Variants in ARK2N observed in about 807,000 individuals in gnomAD.
ARK2N encodes the protein arkadia (RNF111) N-terminal like PKA signaling regulator 2N, also known as protein ARK2N.
chr18:46,181,084 AC>A, the ARK2N span, among the ~76,000 whole-genome samples: 1 of 151,812 alleles, frequency 6.6e-6, no homozygotes, highest in Non-Finnish European at 1.5e-5. Flanking sequence ...ACATGATGAA[AC>A]CGTGTCTCTA....
chr18:46,263,076 C>G, the ARK2N span: 30 of 1,613,936 alleles, frequency 1.9e-5, no homozygotes, highest in Non-Finnish European at 2.5e-5. Context: ...AAGTTGTTGA[C>G]CTTACCTTGG....
chr18:46,243,486 G>T, the ARK2N span, among the ~76,000 whole-genome samples: 1 of 152,024 alleles, frequency 6.6e-6, no homozygotes, highest in East Asian at 1.9e-4. Flanking sequence ...AGAGTAGGTT[G>T]CCTTTTTCCA....
At chr18:46,201,364 G>A in the ARK2N span, among the ~76,000 whole-genome samples, 1 of 152,144 alleles carries the variant, frequency 6.6e-6, no homozygotes, top group African/African-American at 2.4e-5. Context: ...GATTCCTTGC[G>A]GGTTTGAATA....
chr18:46,243,576 C>T, the ARK2N span, among the ~76,000 whole-genome samples: 1 of 152,158 alleles, frequency 6.6e-6, no homozygotes, highest in African/African-American at 2.4e-5. Context: ...GAACCACATG[C>T]AGGGATTAAA....
chr18:46,224,583 GAGCCACCC>G, the ARK2N span, among the ~76,000 whole-genome samples: 5 of 152,098 alleles, frequency 3.3e-5, no homozygotes, highest in African/African-American at 1.2e-4. Flanking sequence ...AGAAGACTTG[GAGCCACCC>G]TAGGTTTTGG....
chr18:46,188,096 A>G, the ARK2N span, among the ~76,000 whole-genome samples: 5 of 152,292 alleles, frequency 3.3e-5, no homozygotes, highest in East Asian at 9.6e-4. Context: ...AACCTATTTG[A>G]AGGGCACATA....
the ARK2N span, among the ~76,000 whole-genome samples, chr18:46,203,630 C>T: frequency 6.6e-6 from 1 of 152,092 alleles, no homozygotes; most frequent in Non-Finnish European, 1.5e-5. Flanking sequence ...GACAAAGTCT[C>T]ACTCTTGTCC....
chr18:46,265,933 C>A, the ARK2N span: 1 of 152,618 alleles, frequency 6.6e-6, no homozygotes, highest in South Asian at 2.1e-4. Flanking sequence ...TAAGTTTCCA[C>A]CCCCTCCAAT....
the ARK2N span, chr18:46,262,915 C>T: frequency 1.2e-6 from 2 of 1,610,808 alleles, no homozygotes; most frequent in East Asian, 4.5e-5. Context: ...TTTTGTTCTT[C>T]ATCTCAATTG....
chr18:46,238,885 A>G, the ARK2N span, among the ~76,000 whole-genome samples: 1 of 152,164 alleles, frequency 6.6e-6, no homozygotes, highest in African/African-American at 2.4e-5. Flanking sequence ...CATAGTCAAG[A>G]GTTTCATAAA....
chr18:46,243,465 G>C, the ARK2N span, among the ~76,000 whole-genome samples: 1 of 151,924 alleles, frequency 6.6e-6, no homozygotes, highest in African/African-American at 2.4e-5. Context: ...ACATAGGTAC[G>C]CACTAAAGAT....
chr18:46,199,167 T>G, the ARK2N span, among the ~76,000 whole-genome samples: 1 of 152,282 alleles, frequency 6.6e-6, no homozygotes, highest in East Asian at 1.9e-4. Context: ...ATTTAAGACC[T>G]TCTTGCTTGT....
chr18:46,195,156 C>A, the ARK2N span, among the ~76,000 whole-genome samples: 1 of 151,800 alleles, frequency 6.6e-6, no homozygotes, highest in East Asian at 1.9e-4. Context: ...AATAATGATT[C>A]CCTGTGTACC....
the ARK2N span, among the ~76,000 whole-genome samples, chr18:46,193,995 C>A: frequency 1.5e-4 from 23 of 152,106 alleles, no homozygotes; most frequent in Non-Finnish European, 2.2e-4. Context: ...GTGCCCCTAA[C>A]TTTTCTTGTT....
the ARK2N span, among the ~76,000 whole-genome samples, chr18:46,247,737 A>G: frequency 1.3e-5 from 2 of 152,148 alleles, no homozygotes; most frequent in Non-Finnish European, 2.9e-5. Context: ...CAGTGGTATA[A>G]TTCACCTCAC....
chr18:46,265,677 C>T, the ARK2N span: 1 of 152,522 alleles, frequency 6.6e-6, no homozygotes, highest in Non-Finnish European at 1.5e-5. Flanking sequence ...TGTTTCAACT[C>T]TCTTTTCATT....
At chr18:46,175,588 A>AC in the ARK2N span, among the ~76,000 whole-genome samples, 1 of 152,012 alleles carries the variant, frequency 6.6e-6, no homozygotes, top group Non-Finnish European at 1.5e-5. Context: ...AAAAAAAAAA[A>AC]AAACACATGG....
the ARK2N span, among the ~76,000 whole-genome samples, chr18:46,190,348 C>T: frequency 1.3e-4 from 19 of 151,350 alleles, no homozygotes; most frequent in African/African-American, 4.4e-4. Context: ...GGAGAAACCC[C>T]GTCTCTAGTA....
chr18:46,213,284 G>A, the ARK2N span, among the ~76,000 whole-genome samples: 3 of 151,930 alleles, frequency 2.0e-5, no homozygotes, highest in East Asian at 5.8e-4. Flanking sequence ...ACAAACGTGA[G>A]CCACCGTGCC....
Sources: allele counts gnomAD v4.1 joint callset (sites outside exome capture counted in the v4.1 genomes callset), GRCh38; gene constraint gnomAD v4.1.1; transcripts MANE v1.5; gene names NCBI Gene and HGNC (gene_info 2026-07-23, HGNC 2026-07-21).